The following MACF1 variants were observed in gnomAD, a reference collection of about 807,000 sequenced individuals.
MACF1 encodes the protein microtubule actin crosslinking factor 1.
A neutral mutation model predicts 854.8 loss-of-function variants in MACF1; 193 were observed. That is an observed-to-expected ratio of 0.23 (90% CI 0.20 to 0.25). The LOEUF is 0.25. Among genes scored for constraint, MACF1 ranks in the 10% least tolerant of loss-of-function variants. The pLI is 1.00. For missense variants in MACF1, 7,722 were observed against 8,929.1 expected (o/e 0.86, Z 5.45); for synonymous variants, 3,185 against 3,226.7 (o/e 0.99, Z 0.44).
At chr1:39,471,706 T>C (rs1340518180) in intron 97 of MACF1, among the ~76,000 whole-genome samples, 1 of 152,226 alleles carries the variant, frequency 6.6e-6, no homozygotes, top group Non-Finnish European at 1.5e-5. Context: ...GGTATACTTG[T>C]ACCTAAGGTA....
chr1:39,469,412 G>A, intron 96 of MACF1, 135 bp from the exon 97 acceptor site: 2 of 684,198 alleles, frequency 2.9e-6, no homozygotes, highest in East Asian at 2.7e-5. Flanking sequence ...CTATGTCCTT[G>A]CCTTTTTCCT....
At chr1:39,295,226 G>A in intron 19 of MACF1, 76 bp downstream of exon 19, 1 of 1,236,056 alleles carries the variant, frequency 8.1e-7, no homozygotes, top group Non-Finnish European at 1.2e-6. Context: ...TAGAGACTTT[G>A]TTCCACTGAA....
intron 2 of MACF1, among the ~76,000 whole-genome samples, chr1:39,155,434 G>A (rs553701712): frequency 6.6e-6 from 1 of 152,232 alleles, no homozygotes; most frequent in South Asian, 2.1e-4. Flanking sequence ...CTTTAAAAAA[G>A]CAAAAGGAAC....
intron 2 of MACF1, among the ~76,000 whole-genome samples, chr1:39,194,275 TC>T (rs1029597797): frequency 6.6e-6 from 1 of 151,804 alleles, no homozygotes; most frequent in Admixed American, 6.6e-5. Context: ...TAGAGTTAGA[TC>T]CTGGGCAGAA....
At chr1:39,430,673 A>G (rs1266233526) in intron 65 of MACF1, 29 bp from the exon 66 acceptor site, 1 of 1,580,510 alleles carries the variant, frequency 6.3e-7, no homozygotes, top group Non-Finnish European at 8.7e-7. Flanking sequence ...TTAGCAAGGT[A>G]TGGCCTGAAA....
chr1:39,182,062 A>G (rs1248200152), intron 2 of MACF1, among the ~76,000 whole-genome samples: 2 of 151,906 alleles, frequency 1.3e-5, no homozygotes, highest in South Asian at 4.2e-4. Context: ...GAGGCAGGAG[A>G]ATCGCTTGAA....
At chr1:39,459,297 A>G (rs778994954) in intron 91 of MACF1, 48 bp downstream of exon 91, 44 of 1,559,298 alleles carry the variant, frequency 2.8e-5, no homozygotes, top group Non-Finnish European at 3.4e-5. Context: ...GCTTTTTTCA[A>G]TCAAAACACA....
chr1:39,454,184 A>G (rs115403524), intron 88 of MACF1, among the ~76,000 whole-genome samples: 1,633 of 152,342 alleles, frequency 0.011, 34 homozygotes, highest in African/African-American at 0.037. Context: ...GTTATTGTTC[A>G]GTAAATACAG....
chr1:39,202,999 A>G (rs920551486), upstream of MACF1, among the ~76,000 whole-genome samples: 1 of 152,196 alleles, frequency 6.6e-6, no homozygotes, highest in Non-Finnish European at 1.5e-5. Context: ...ATGCACATCT[A>G]AAACTCTTTC....
At chr1:39,420,683 C>T (rs961265889) in intron 58 of MACF1, among the ~76,000 whole-genome samples, 12 of 152,038 alleles carry the variant, frequency 7.9e-5, no homozygotes, top group African/African-American at 2.4e-4. Flanking sequence ...CTCATATTGA[C>T]CAAAATTGGT....
chr1:39,120,073 G>C (rs889478825), intron 2 of MACF1, among the ~76,000 whole-genome samples: 2 of 151,632 alleles, frequency 1.3e-5, no homozygotes, highest in African/African-American at 4.8e-5. Flanking sequence ...TAGTAGAGAC[G>C]GGGTTTCTCC....
Position 39,347,144 on chromosome 1 carries a change from G to T in MACF1, c.10749G>T (p.Gln3583His). ...LQRSFQDILEQTAAQVDALQG... is the reference protein window; with the variant it reads ...LQRSFQDILEHTAAQVDALQG... ...GGTCCTTCCAGGACATTTTGGAACA[G>T]ACTGCCGCTCAGGTGGATGCCTTGC... The change falls in exon 41 of 101, where the codon CAG (glutamine) becomes CAT (histidine). Residue 3583 changes from glutamine to histidine, a missense_variant. This residue lies in a region of MACF1 where 854 missense variants were observed against 852.6 expected (regional missense o/e 1.00). Transcript: ENST00000564288. 6.2e-7 allele frequency: 1 copy of T among 1,614,150 alleles called. No individual in the cohort carries two copies. The highest frequency in any genetic ancestry group is 1.7e-5 in the Admixed American group (1 of 60,024).
At position 39,283,798 on chromosome 1, in the gene MACF1, T is replaced by C. The variant is rs1273258090; in HGVS notation, c.916-268T>C. Among the ~76,000 whole-genome samples the C allele has an allele frequency of 6.6e-6, 1 of 152,200 alleles. No homozygotes were observed. On this transcript the variant is annotated intron_variant, in intron 9 of 100. Coordinates refer to ENST00000564288, the MANE Select transcript of MACF1 (RefSeq NM_001394062.1). This position sits in a 1 kb window ranked among gnomAD's most constrained non-coding sequence, Gnocchi z 4.5. ...GAGGAAGTGTTTTATCAGTCACTTA[T>C]GTATCAGCTTGATTAGGTAGATCAT...
chr1:39,179,272 C>A (rs1325946074), intron 2 of MACF1, among the ~76,000 whole-genome samples: 2 of 152,192 alleles, frequency 1.3e-5, no homozygotes, highest in Non-Finnish European at 2.9e-5. Flanking sequence ...GGAAAACTTG[C>A]TCCACTCAGA....
chr1:39,486,324 AAG>A lies in MACF1; in HGVS notation c.*535_*536del, dbSNP rs1264794311. 2.0e-5 allele frequency: 3 copies of A among 152,652 alleles called. No individual in the cohort carries two copies. Among genetic ancestry groups the A allele is most frequent in the Admixed American group, 1.3e-4 (2 of 15,278 alleles). The allele number at this position is 152,652 out of a possible 1,614,324, so 9.5% of individuals were successfully genotyped here. ...TTTAATGTTTTGTGATTTTTAGCTA[AAG>A]AGAGGGAACCTCATCTAAGTAACAT... On this transcript the variant is annotated 3_prime_UTR_variant, in exon 101 of 101. Transcript: ENST00000564288.
chr1:39,280,663 C>T (rs1438799295), intron 6 of MACF1, among the ~76,000 whole-genome samples: 2 of 152,094 alleles, frequency 1.3e-5, no homozygotes, highest in Non-Finnish European at 2.9e-5. Flanking sequence ...CCACAACCTC[C>T]ACCTCCTGGG....
At chr1:39,458,300 C>A in intron 89 of MACF1, 70 bp from the exon 90 acceptor site, 2 of 1,507,798 alleles carry the variant, frequency 1.3e-6, no homozygotes, top group Non-Finnish European at 1.8e-6. Flanking sequence ...CCCATCCTAG[C>A]TCTTCCTTTG....
chr1:39,437,197 T>C (rs909580739), intron 70 of MACF1, among the ~76,000 whole-genome samples: 1 of 152,152 alleles, frequency 6.6e-6, no homozygotes, highest in Admixed American at 6.5e-5. Context: ...AAGATTTGAA[T>C]TGGTTTCTAG....
At position 39,121,541 on chromosome 1, in the gene MACF1, C is replaced by T. The variant is rs137917680; in HGVS notation, c.220+37103C>T. ...CTCGGCTCACTACAACTTCGCCTCC[C>T]GGGTTCAAGTGATTCTTGTGCCTCA... On this transcript the variant is annotated intron_variant, in intron 2 of 93. Coordinates refer to the MACF1 transcript ENST00000361689. Among the ~76,000 whole-genome samples the T allele has an allele frequency of 5.7e-3, 867 of 152,222 alleles. 10 individuals are homozygous for T. The highest frequency in any genetic ancestry group is 0.02 in the African/African-American group (825 of 41,518).
Sources: gnomAD v4.1 joint callset for allele counts (sites outside exome capture counted in the v4.1 genomes callset) on GRCh38, gnomAD v4.1.1 for gene constraint, gnomAD v4.1.1 regional missense constraint, Gnocchi (gnomAD v3.1) non-coding constraint, MANE v1.5 for transcripts, NCBI Gene and HGNC (gene_info 2026-07-23, HGNC 2026-07-21) for gene names.